Variants in SMOC1 observed in about 807,000 individuals in gnomAD.
The protein encoded by SMOC1 is SPARC-related modular calcium-binding protein 1.
A neutral mutation model predicts 56.3 loss-of-function variants in SMOC1; 22 were observed. The ratio of observed to expected loss-of-function variants is 0.39; its 90% CI spans 0.28 to 0.56. SMOC1 has a LOEUF of 0.56. Ranked by LOEUF, SMOC1 falls within the 20% of genes least tolerant of loss-of-function variation. SMOC1 has a pLI of 0.61. For missense variants in SMOC1, 509 were observed against 565.4 expected (o/e 0.90, Z 1.01); for synonymous variants, 193 against 215.0 (o/e 0.90, Z 0.89).
At chr14:69,895,582 G>A (rs750599573) in intron 1 of SMOC1, among the ~76,000 whole-genome samples, 2 of 152,130 alleles carry the variant, frequency 1.3e-5, no homozygotes, top group South Asian at 4.1e-4. Context: ...AAGTGACCAG[G>A]GTCCTCCTTC....
chr14:69,946,728 C>T (rs908259120), intron 1 of SMOC1, among the ~76,000 whole-genome samples: 1 of 152,146 alleles, frequency 6.6e-6, no homozygotes. Context: ...TTCTATCTGA[C>T]ATAGTTTGGA....
intron 1 of SMOC1, chr14:69,885,635 A>G: frequency 2.7e-6 from 4 of 1,466,374 alleles, no homozygotes; most frequent in Non-Finnish European, 3.8e-6. Context: ...GGCAGGCAAG[A>G]AGACAACCAG....
chr14:69,922,984 G>A (rs1052590987), intron 1 of SMOC1, among the ~76,000 whole-genome samples: 11 of 147,940 alleles, frequency 7.4e-5, no homozygotes, highest in Non-Finnish European at 1.3e-4. Flanking sequence ...TCGCTTTGTC[G>A]TCCAGGCTGG....
At position 69,905,423 on chromosome 14, in the gene SMOC1, C is replaced by T. The variant is rs139849697; in HGVS notation, c.99+25646C>T. Among the ~76,000 whole-genome samples the T allele has an allele frequency of 5.5e-4, 84 of 152,174 alleles. No homozygotes were observed. In the East Asian group the frequency reaches 0.014, roughly 25 times the overall value. ...GGGTAGCTGCAAAGGGAGGTGGTGA[C>T]CCATCATGAGGGACAAGGCACCTAC... On this transcript the variant is annotated intron_variant, in intron 1 of 11. Transcript: ENST00000361956.
chr14:70,010,297 G>T (rs1490096081), intron 7 of SMOC1, among the ~76,000 whole-genome samples: 2 of 152,166 alleles, frequency 1.3e-5, no homozygotes, highest in African/African-American at 4.8e-5. Flanking sequence ...ATCATGCTGT[G>T]TCTGGGCGTG....
rs56194241 is a variant in SMOC1, at chr14:69,984,680, TAA to T, written c.526+6731_526+6732del. Among the ~76,000 whole-genome samples the T allele has an allele frequency of 6.2e-3, 788 of 127,858 alleles. 6 individuals carry two copies. The highest frequency in any genetic ancestry group is 0.019 in the African/African-American group (669 of 36,022). 83.9% of individuals were successfully genotyped at this position (127,858 alleles called of 152,430 possible). A position where few individuals can be genotyped will look rare whatever the true frequency, so the allele number is the denominator to read the frequency against. ...CAACATGGTGAAACCCTATCTCTAC[TAA>T]AAAAAAAAAAAAAAATACAAAAATT... On this transcript the variant is annotated intron_variant, in intron 5 of 11. Transcript: ENST00000361956.
chr14:69,929,473 G>A (rs950048287), intron 1 of SMOC1, among the ~76,000 whole-genome samples: 1 of 152,166 alleles, frequency 6.6e-6, no homozygotes, highest in Non-Finnish European at 1.5e-5. Flanking sequence ...AAGTCATAGA[G>A]CTGGGATTTG....
rs1353536882 is a variant in SMOC1 at position 69,952,273 on chromosome 14, C to G, written c.235C>G (p.Leu79Val). The change falls in exon 2 of 12, where the codon CTG becomes GTG. Residue 79 changes from leucine (L) to valine (V), a missense_variant. By Grantham distance (32) the Leu-to-Val change is conservative. Transcript: ENST00000361956. ...YQRAKCRDPTLGVVHRGRCKD... is the reference protein window; with the variant it reads ...YQRAKCRDPTVGVVHRGRCKD... ...GCGAGCCAAGTGCCGAGACCCGACCCTGGGCGTGGTGCATCGAGGTAGATG... is the reference window on the plus strand; with the variant it reads ...GCGAGCCAAGTGCCGAGACCCGACCGTGGGCGTGGTGCATCGAGGTAGATG... The G allele has an allele frequency of 7.4e-6, 12 of 1,614,096 alleles. No individual in the cohort carries two copies. Among genetic ancestry groups the G allele is most frequent in the Non-Finnish European group, 1.0e-5 (12 of 1,180,046 alleles).
chr14:69,968,693 C>T (rs561929960), intron 3 of SMOC1, among the ~76,000 whole-genome samples: 6 of 151,658 alleles, frequency 4.0e-5, no homozygotes, highest in Admixed American at 3.3e-4. Flanking sequence ...CAGTCTCATA[C>T]TCTCACTGCC....
At chr14:69,923,940 G>T (rs1884921252) in intron 1 of SMOC1, among the ~76,000 whole-genome samples, 1 of 152,172 alleles carries the variant, frequency 6.6e-6, no homozygotes, top group Non-Finnish European at 1.5e-5. Context: ...AGGGTCCCCT[G>T]GTCGGGCTGC....
chr14:69,891,259 A>G (rs960668781), intron 1 of SMOC1, among the ~76,000 whole-genome samples: 6 of 152,200 alleles, frequency 3.9e-5, no homozygotes, highest in African/African-American at 1.4e-4. Flanking sequence ...GCAAACTGGA[A>G]TATGTCAGGG....
intron 10 of SMOC1, among the ~76,000 whole-genome samples, 153 bp downstream of exon 10, chr14:70,013,644 C>T (rs1053423288): frequency 2.0e-5 from 3 of 152,186 alleles, no homozygotes; most frequent in African/African-American, 7.2e-5. Context: ...ATAGCTTTGA[C>T]CCGCCTTCTG....
intron 1 of SMOC1, among the ~76,000 whole-genome samples, chr14:69,893,397 A>G (rs187274501): frequency 6.6e-6 from 1 of 152,148 alleles, no homozygotes; most frequent in Admixed American, 6.6e-5. Context: ...AAGGGGGTTT[A>G]GTGCTAAAGT....
chr14:69,959,805 T>C (rs1883307727), intron 3 of SMOC1, among the ~76,000 whole-genome samples: 1 of 152,218 alleles, frequency 6.6e-6, no homozygotes, highest in South Asian at 2.1e-4. Flanking sequence ...AAAAATGTTC[T>C]GTGGCTTTTT....
Position 69,992,485 on chromosome 14 carries a change from C to T in SMOC1, c.583+12C>T. The T allele has an allele frequency of 6.2e-7, 1 of 1,603,574 alleles. No individual in the cohort carries two copies. Among genetic ancestry groups the T allele is most frequent in the Non-Finnish European group, 8.5e-7 (1 of 1,170,300 alleles). On this transcript the variant is annotated intron_variant, in intron 6 of 11. Transcript: ENST00000361956. ...GTTCGATGGAGATGGTAAGATCTTGCATTACTTCTGATGTTCATTCTCCCA... is the reference window on the plus strand; with the variant it reads ...GTTCGATGGAGATGGTAAGATCTTGTATTACTTCTGATGTTCATTCTCCCA...
At chr14:69,972,346 C>T (rs966595953) in intron 3 of SMOC1, among the ~76,000 whole-genome samples, 8 of 152,168 alleles carry the variant, frequency 5.3e-5, no homozygotes, top group East Asian at 1.9e-4. Flanking sequence ...AGCTTGTGCT[C>T]GGCCACTTCC....
intron 1 of SMOC1, among the ~76,000 whole-genome samples, chr14:69,923,815 A>G (rs2139374206): frequency 6.6e-6 from 1 of 152,232 alleles, no homozygotes; most frequent in East Asian, 1.9e-4. Flanking sequence ...AATCCTACGT[A>G]GGAGGGAGGC....
chr14:69,945,684 T>C (rs1457443306), intron 1 of SMOC1, among the ~76,000 whole-genome samples: 2 of 152,230 alleles, frequency 1.3e-5, no homozygotes, highest in Non-Finnish European at 2.9e-5. Context: ...AGCAAAAAGG[T>C]TGAAAGTGAG....
intron 5 of SMOC1, among the ~76,000 whole-genome samples, chr14:69,991,023 C>A (rs1884548460): frequency 6.6e-6 from 1 of 152,130 alleles, no homozygotes; most frequent in East Asian, 1.9e-4. Flanking sequence ...CTCTCTCCCT[C>A]CCCCAATAAG....
Sources: gnomAD v4.1 joint callset for allele counts (sites outside exome capture counted in the v4.1 genomes callset) on GRCh38, gnomAD v4.1.1 for gene constraint, MANE v1.5 for transcripts, NCBI Gene and HGNC (gene_info 2026-07-23, HGNC 2026-07-21) for gene names.